EP300: variants seen among roughly 807,000 people sequenced by gnomAD.
EP300 encodes EP300 lysine acetyltransferase.
In EP300, 31 loss-of-function variants were observed where a neutral mutation model predicts 264.0. That is an observed-to-expected ratio of 0.12 (90% CI 0.09 to 0.16). The LOEUF (loss-of-function observed/expected upper bound fraction) is 0.16. Ranked by LOEUF, EP300 falls within the 10% of genes least tolerant of loss-of-function variation. The pLI, the probability that EP300 is intolerant of heterozygous loss-of-function variation, is 1.00. For synonymous variants in EP300, 1,340 were observed against 1,045.4 expected (o/e 1.28, Z -5.44); for missense variants, 2,766 against 3,052.9 (o/e 0.91, Z 2.21).
At position 41,179,902 on chromosome 22, in the gene EP300, A is replaced by C. The variant is rs754823806; in HGVS notation, c.*946A>C. Reference sequence around the variant, plus strand: ...CACTCACACACACACACACACACACACACACACACACACACACACACTTTC... The same window carrying C: ...CACTCACACACACACACACACACACCCACACACACACACACACACACTTTC... On this transcript the variant is annotated 3_prime_UTR_variant, in exon 31 of 31. Transcript: ENST00000263253. 4.4e-5 allele frequency: 9 copies of C among 205,568 alleles called. No homozygotes were observed. The highest frequency in any genetic ancestry group is 1.7e-4 in the East Asian group (2 of 11,732). 12.7% of individuals were successfully genotyped at this position (205,568 alleles called of 1,614,324 possible). A position where few individuals can be genotyped will look rare whatever the true frequency, so the allele number is the denominator to read the frequency against.
intron 10 of EP300, among the ~76,000 whole-genome samples, chr22:41,143,842 G>C (rs2058996245): frequency 6.6e-6 from 1 of 152,192 alleles, no homozygotes; most frequent in Admixed American, 6.5e-5. Flanking sequence ...GTCTTGCAAA[G>C]TGCTGGGATT....
intron 1 of EP300, among the ~76,000 whole-genome samples, chr22:41,108,658 T>C (rs774095641): frequency 1.3e-5 from 2 of 152,132 alleles, no homozygotes; most frequent in Non-Finnish European, 2.9e-5. Context: ...AAAATACTGC[T>C]CCTTGTGAAG....
rs886353402 is a variant in EP300, at chr22:41,117,131, G to GT, written c.95-50dup. ...TGCTTATTGAGAACAATATAGAGCA[G>GT]TTTTTTATTTTGGTTTTGTCATACT... On this transcript the variant is annotated intron_variant, in intron 1 of 30. Coordinates refer to ENST00000263253, the MANE Select transcript of EP300 (RefSeq NM_001429.4). The GT allele has an allele frequency of 7.2e-5, 109 of 1,507,510 alleles. No homozygotes were observed. In the African/African-American group the frequency reaches 1.4e-3, roughly 20 times the overall value. The allele number at this position is 1,507,510 out of a possible 1,614,324, so 93.4% of individuals were successfully genotyped here.
intron 23 of EP300, among the ~76,000 whole-genome samples, chr22:41,168,064 C>T (rs1040996599): frequency 2.6e-5 from 4 of 151,474 alleles, no homozygotes; most frequent in South Asian, 2.1e-4. Flanking sequence ...TCAGGTGATG[C>T]GCCCACCTCA....
chr22:41,116,693 T>C (rs930143047), intron 1 of EP300, among the ~76,000 whole-genome samples: 1 of 152,196 alleles, frequency 6.6e-6, no homozygotes, highest in Non-Finnish European at 1.5e-5. Flanking sequence ...TTTGTTGATA[T>C]AACCAAATAT....
At chr22:41,094,780 G>C (rs1441696737) in intron 1 of EP300, among the ~76,000 whole-genome samples, 2 of 152,122 alleles carry the variant, frequency 1.3e-5, no homozygotes, top group Admixed American at 1.3e-4. Flanking sequence ...TTTTACATTG[G>C]AGTTAGCCAG....
At chr22:41,123,263 T>C (rs894031147) in intron 2 of EP300, among the ~76,000 whole-genome samples, 9 of 152,152 alleles carry the variant, frequency 5.9e-5, no homozygotes, top group East Asian at 5.8e-4. Flanking sequence ...AATGTGCTAC[T>C]GTTCAGTTGT....
intron 6 of EP300, among the ~76,000 whole-genome samples, chr22:41,135,015 C>T (rs2058942537): frequency 6.6e-6 from 1 of 152,178 alleles, no homozygotes; most frequent in Admixed American, 6.5e-5. Flanking sequence ...TCAAGCGATG[C>T]TCCTGCCTCA....
intron 1 of EP300, among the ~76,000 whole-genome samples, chr22:41,093,710 C>G (rs1388346523): frequency 6.6e-6 from 1 of 152,120 alleles, no homozygotes; most frequent in East Asian, 1.9e-4. Context: ...ATATGGAGCG[C>G]AGTTCATTTC....
Position 41,157,372 on chromosome 22 carries a change from A to G in EP300, c.3465A>G (p.Pro1155=). 6.2e-7 allele frequency: 1 copy of G among 1,614,188 alleles called. No individual in the cohort carries two copies. The highest frequency in any genetic ancestry group is 8.5e-7 in the Non-Finnish European group (1 of 1,180,038). The part of the protein sequence containing the change: ...LSEVFEQEID[P]VMQSLGYCCG... ...AGGTCTTTGAACAAGAAATTGACCC[A>G]GTGATGCAAAGCCTTGGATACTGTT... Residue 1155 remains proline (P), a synonymous_variant, in exon 18 of 31, where the codon CCA becomes CCG. Coordinates refer to ENST00000263253, the MANE Select transcript of EP300 (RefSeq NM_001429.4).
chr22:41,108,857 A>G (rs2058772844), intron 1 of EP300, among the ~76,000 whole-genome samples: 1 of 152,224 alleles, frequency 6.6e-6, no homozygotes, highest in Non-Finnish European at 1.5e-5. Context: ...CTGTTTTTTA[A>G]TATTTGCCAT....
chr22:41,150,952 A>G (rs2145738790), intron 14 of EP300, among the ~76,000 whole-genome samples: 1 of 152,252 alleles, frequency 6.6e-6, no homozygotes, highest in African/African-American at 2.4e-5. Context: ...GTTTAAAAAT[A>G]AGATGAGAGA....
At chr22:41,111,664 C>G (rs1193911311) in intron 1 of EP300, among the ~76,000 whole-genome samples, 1 of 152,002 alleles carries the variant, frequency 6.6e-6, no homozygotes, top group Non-Finnish European at 1.5e-5. Flanking sequence ...GCCTCAGCCT[C>G]CTGAGTAGCT....
chr22:41,127,471 T>C lies in EP300; in HGVS notation c.907-16T>C. 2 of 1,613,878 alleles carry C rather than the reference T, an allele frequency of 1.2e-6. No individual in the cohort carries two copies. The highest frequency in any genetic ancestry group is 1.7e-6 in the Non-Finnish European group (2 of 1,179,934). On this transcript the variant is annotated splice_polypyrimidine_tract_variant and intron_variant, in intron 3 of 30. Transcript: ENST00000263253. ...ATTATGACTCCTACCATTAAATATA[T>C]TGTTATATCTCTCAGGGTCAACAGC...
intron 1 of EP300, among the ~76,000 whole-genome samples, chr22:41,108,987 C>G (rs1372507241): frequency 6.6e-6 from 1 of 152,092 alleles, no homozygotes; most frequent in South Asian, 2.1e-4. Flanking sequence ...AAAATACTTG[C>G]TGGCCCAGCG....
At chr22:41,157,473 C>T in intron 18 of EP300, 65 bp downstream of exon 18, 1 of 1,380,408 alleles carries the variant, frequency 7.2e-7, no homozygotes. Flanking sequence ...ATAGTGGTGA[C>T]TGGGATAAGA....
At chr22:41,149,527 G>A (rs575740464) in intron 13 of EP300, among the ~76,000 whole-genome samples, 3 of 152,244 alleles carry the variant, frequency 2.0e-5, no homozygotes, top group African/African-American at 4.8e-5. Context: ...ATTTTTCTGC[G>A]GTGGCTGAGG....
At chr22:41,155,153 T>G in intron 17 of EP300, 40 bp downstream of exon 17, 1 of 1,332,392 alleles carries the variant, frequency 7.5e-7, no homozygotes, top group East Asian at 2.3e-5. Flanking sequence ...TTTTTTAATT[T>G]GATAACAGCT....
At chr22:41,155,155 A>G in intron 17 of EP300, 42 bp downstream of exon 17, 3 of 1,329,022 alleles carry the variant, frequency 2.3e-6, no homozygotes, top group Non-Finnish European at 2.2e-6. Flanking sequence ...TTTTAATTTG[A>G]TAACAGCTTT....
Sources: gnomAD v4.1 joint callset for allele counts (sites outside exome capture counted in the v4.1 genomes callset) on GRCh38, gnomAD v4.1.1 for gene constraint, MANE v1.5 for transcripts, NCBI Gene and HGNC (gene_info 2026-07-23, HGNC 2026-07-21) for gene names.